POC1B: variants seen among roughly 807,000 people sequenced by gnomAD.
POC1B encodes the protein POC1 centriolar protein B.
A neutral mutation model predicts 60.6 loss-of-function variants in POC1B; 44 were observed. The observed-to-expected ratio is 0.73, with a 90% CI of 0.57 to 0.93. The LOEUF is 0.93. Among genes scored for constraint, POC1B ranks in the 40% least tolerant of loss-of-function variants. POC1B has a pLI of 0.00. For synonymous variants in POC1B, 180 were observed against 198.9 expected, an observed-to-expected ratio of 0.90 and a Z score of 0.80; for missense variants, 555 against 572.3, an observed-to-expected ratio of 0.97 and a Z score of 0.31.
chr12:89,491,897 A>T, intron 4 of POC1B, 39 bp downstream of exon 4: 1 of 1,429,838 alleles, frequency 7.0e-7, no homozygotes, highest in South Asian at 1.7e-5. Flanking sequence ...AAGCAGAAAA[A>T]ATATGTGGAC....
chr12:89,440,731 C>T (rs1881476637), intron 10 of POC1B, among the ~76,000 whole-genome samples: 1 of 152,332 alleles, frequency 6.6e-6, no homozygotes, highest in East Asian at 1.9e-4. Context: ...GTGACTTCTG[C>T]ACTTCCAACT....
At chr12:89,508,254 T>C (rs564300066) in intron 2 of POC1B, among the ~76,000 whole-genome samples, 30 of 152,374 alleles carry the variant, frequency 2.0e-4, no homozygotes, top group African/African-American at 7.2e-4. Flanking sequence ...GTTTTGTTAA[T>C]ACCTAGAGCT....
chr12:89,514,754 C>T (rs1027034411), intron 2 of POC1B, among the ~76,000 whole-genome samples: 14 of 151,924 alleles, frequency 9.2e-5, no homozygotes, highest in African/African-American at 3.1e-4. Context: ...ATATATCCTA[C>T]CTTCTAAGAG....
At chr12:89,439,708 A>C (rs929019160) in intron 10 of POC1B, among the ~76,000 whole-genome samples, 2 of 152,160 alleles carry the variant, frequency 1.3e-5, no homozygotes, top group Non-Finnish European at 2.9e-5. Context: ...GGTTCAAGTG[A>C]TTCTCCTGCC....
At chr12:89,504,153 G>A (rs1869777039) in intron 2 of POC1B, among the ~76,000 whole-genome samples, 2 of 152,262 alleles carry the variant, frequency 1.3e-5, no homozygotes, top group Admixed American at 6.5e-5. Context: ...TGGCGGTTTT[G>A]TGGAATAGAA....
chr12:89,425,152 C>A lies in POC1B; in HGVS notation c.1332+9G>T. The A allele has an allele frequency of 1.2e-6, 2 of 1,613,476 alleles. No individual in the cohort carries two copies. The highest frequency in any genetic ancestry group is 2.2e-5 in the South Asian group (2 of 91,024). On this transcript the variant is annotated intron_variant, in intron 11 of 11. Transcript: ENST00000313546. ...CAAGTGCAACTCATGCAACCTGTGTCATGCCCACCTGTGTCAAAACATTGA... is the reference window on the plus strand; with the variant it reads ...CAAGTGCAACTCATGCAACCTGTGTAATGCCCACCTGTGTCAAAACATTGA...
chr12:89,438,069 A>T (rs1020520094), intron 10 of POC1B, among the ~76,000 whole-genome samples: 2 of 151,322 alleles, frequency 1.3e-5, no homozygotes, highest in African/African-American at 2.4e-5. Flanking sequence ...AAAAAAAATT[A>T]AAAAATCTAT....
chr12:89,499,780 G>A (rs1289065018), intron 2 of POC1B, among the ~76,000 whole-genome samples: 1 of 152,244 alleles, frequency 6.6e-6, no homozygotes, highest in Non-Finnish European at 1.5e-5. Flanking sequence ...GTAGAAAACA[G>A]ATCTAAATGT....
the POC1B span, among the ~76,000 whole-genome samples, chr12:89,408,490 T>G: frequency 6.6e-6 from 1 of 151,272 alleles, no homozygotes; most frequent in Non-Finnish European, 1.5e-5. Context: ...CTTCTGGTTT[T>G]TTTTTTTTTT....
intron 9 of POC1B, among the ~76,000 whole-genome samples, chr12:89,465,734 T>C (rs1882659307): frequency 6.6e-6 from 1 of 151,852 alleles, no homozygotes; most frequent in Non-Finnish European, 1.5e-5. Context: ...TTGTCAGAAG[T>C]TGGAAAAGAC....
chr12:89,466,557 T>A, intron 9 of POC1B: 1 of 413,926 alleles, frequency 2.4e-6, no homozygotes, highest in Non-Finnish European at 4.2e-6. Flanking sequence ...TTCCTATTAC[T>A]ATCAACACTA....
intron 4 of POC1B, among the ~76,000 whole-genome samples, chr12:89,484,122 C>T (rs1289426708): frequency 6.6e-6 from 1 of 151,044 alleles, no homozygotes; most frequent in Admixed American, 6.6e-5. Flanking sequence ...GAGGTTACCA[C>T]AAAACAAAAA....
intron 3 of POC1B, among the ~76,000 whole-genome samples, chr12:89,492,668 C>T (rs1869044229): frequency 6.6e-6 from 1 of 152,160 alleles, no homozygotes; most frequent in Non-Finnish European, 1.5e-5. Flanking sequence ...CTCCCATACA[C>T]CTGCACCTCA....
At chr12:89,479,703 G>A (rs1883247442) in intron 4 of POC1B, among the ~76,000 whole-genome samples, 1 of 147,746 alleles carries the variant, frequency 6.8e-6, no homozygotes, top group Non-Finnish European at 1.5e-5. Context: ...AAAGTACTGG[G>A]CACCGAGATA....
intron 4 of POC1B, 68 bp from the exon 5 acceptor site, chr12:89,472,343 C>T: frequency 9.8e-7 from 1 of 1,023,386 alleles, no homozygotes; most frequent in Non-Finnish European, 1.5e-6. Flanking sequence ...CACCTCTACA[C>T]CACAAATAAA....
At chr12:89,415,735 A>C (rs1281060558), downstream of POC1B, among the ~76,000 whole-genome samples, 1 of 152,192 alleles carries the variant, frequency 6.6e-6, no homozygotes, top group African/African-American at 2.4e-5. Context: ...TAATCATTTC[A>C]CAAATGCAGT....
chr12:89,456,165 C>T (rs539151636), intron 10 of POC1B, among the ~76,000 whole-genome samples: 3 of 152,084 alleles, frequency 2.0e-5, no homozygotes, highest in South Asian at 2.1e-4. Flanking sequence ...GAATTATAAG[C>T]GCACACCACC....
In POC1B at chr12:89,491,939, G is replaced by C. The variant is rs766712497; in HGVS notation, c.449C>G (p.Ala150Gly). ...LYRHTHWVRC[A>G]KFSPDGRLIV... ...ATATGAAATTTTTTGCACTTACTTG[G>C]CACAGCGTACCCAGTGTGTATGTCG... Residue 150 changes from alanine to glycine, a missense_variant, in exon 4 of 12, where the codon GCC becomes GGC. Physicochemically the swap from Ala to Gly is moderately conservative, Grantham distance 60. Transcript: ENST00000313546. The C allele has an allele frequency of 6.7e-7, 1 of 1,501,334 alleles. No homozygotes were observed. The highest frequency in any genetic ancestry group is 1.4e-5 in the South Asian group (1 of 73,780). The allele number at this position is 1,501,334 out of a possible 1,614,324, so 93.0% of individuals were successfully genotyped here. A position where few individuals can be genotyped will look rare whatever the true frequency, so the allele number is the denominator to read the frequency against.
chr12:89,459,896 G>T, intron 9 of POC1B, 178 bp from the exon 10 acceptor site: 2 of 478,208 alleles, frequency 4.2e-6, no homozygotes, highest in East Asian at 3.4e-5. Flanking sequence ...TTCTATCAAC[G>T]TATAAGAAAA....
Sources: allele counts gnomAD v4.1 joint callset (sites outside exome capture counted in the v4.1 genomes callset), GRCh38; gene constraint gnomAD v4.1.1; transcripts MANE v1.5; gene names NCBI Gene and HGNC (gene_info 2026-07-23, HGNC 2026-07-21).